Variants in IPP observed in about 807,000 individuals in gnomAD.
The protein encoded by IPP is actin-binding protein IPP.
In IPP, 41 loss-of-function variants were observed where a neutral mutation model predicts 64.1. The observed-to-expected ratio is 0.64, with a 90% CI of 0.50 to 0.83. IPP has a LOEUF of 0.83. Among genes scored for constraint, IPP ranks in the 40% least tolerant of loss-of-function variants. IPP has a pLI of 0.00. For missense variants in IPP, 649 were observed against 703.0 expected, an observed-to-expected ratio of 0.92 and a Z score of 0.87; for synonymous variants, 214 against 235.2, an observed-to-expected ratio of 0.91 and a Z score of 0.83.
chr1:45,740,597 A>T (rs1017608428), intron 3 of IPP, among the ~76,000 whole-genome samples: 1 of 152,246 alleles, frequency 6.6e-6, no homozygotes, highest in Non-Finnish European at 1.5e-5. Context: ...TTCTGTCAAC[A>T]GCAGTGGTAT....
intron 8 of IPP, among the ~76,000 whole-genome samples, chr1:45,709,583 G>A (rs953549296): frequency 6.6e-6 from 1 of 150,778 alleles, no homozygotes; most frequent in Non-Finnish European, 1.5e-5. Context: ...GGTGGTTCAC[G>A]CCTGTAATCC....
chr1:45,728,481 G>A (rs1645863117), intron 4 of IPP, among the ~76,000 whole-genome samples: 1 of 151,652 alleles, frequency 6.6e-6, no homozygotes, highest in South Asian at 2.1e-4. Context: ...TTTAAATGCT[G>A]ATAAAGTTTA....
chr1:45,706,633 T>C (rs1214806341), intron 8 of IPP, among the ~76,000 whole-genome samples: 1 of 152,068 alleles, frequency 6.6e-6, no homozygotes, highest in Non-Finnish European at 1.5e-5. Context: ...ATTTTATTAG[T>C]AGAGACAGGG....
intron 2 of IPP, among the ~76,000 whole-genome samples, chr1:45,742,972 A>G (rs1214227957): frequency 6.6e-6 from 1 of 150,738 alleles, no homozygotes; most frequent in African/African-American, 2.4e-5. Context: ...GAGTCTCACT[A>G]TGTCACCCAG....
chr1:45,737,311 T>A (rs1489554796), intron 3 of IPP, among the ~76,000 whole-genome samples: 5 of 152,148 alleles, frequency 3.3e-5, no homozygotes, highest in Admixed American at 6.5e-5. Context: ...GTATTCCTTA[T>A]TTGTGAATAT....
In IPP at chr1:45,698,969, G is replaced by A. The variant is rs1224071275; in HGVS notation, c.*997C>T. On this transcript the variant is annotated 3_prime_UTR_variant, in exon 9 of 9. Coordinates refer to ENST00000396478, the MANE Select transcript of IPP (RefSeq NM_005897.3). ...ACTCCTGAGTTCAAGCCATCTTCCC[G>A]TCTCACCTCGGCCTCTCAAAGTGCT... 4.3e-5 allele frequency: 36 copies of A among 839,202 alleles called. No individual in the cohort carries two copies. Among genetic ancestry groups the A allele is most frequent in the South Asian group, 3.3e-4 (6 of 18,360 alleles). 52.0% of individuals were successfully genotyped at this position (839,202 alleles called of 1,614,324 possible).
At chr1:45,700,212 A>T (rs766199580) in intron 8 of IPP, 22 bp from the exon 9 acceptor site, 6 of 1,594,490 alleles carry the variant, frequency 3.8e-6, no homozygotes, top group Non-Finnish European at 4.3e-6. Context: ...AGAAAAAAAA[A>T]ATATGTTAGC....
chr1:45,727,222 A>G (rs1273701773), intron 5 of IPP, among the ~76,000 whole-genome samples: 1 of 151,418 alleles, frequency 6.6e-6, no homozygotes, highest in Admixed American at 6.6e-5. Context: ...GCTCATTTTA[A>G]AATTTTTTGT....
intron 5 of IPP, among the ~76,000 whole-genome samples, chr1:45,720,267 T>G (rs936189569): frequency 6.6e-6 from 1 of 152,098 alleles, no homozygotes; most frequent in Non-Finnish European, 1.5e-5. Flanking sequence ...ATAAGATATT[T>G]AGGAGTAAAT....
chr1:45,727,474 T>TTCCC (rs200134370), intron 5 of IPP, among the ~76,000 whole-genome samples, 157 bp downstream of exon 5: 44,265 of 143,480 alleles, frequency 0.31, 6,650 homozygotes, highest in African/African-American at 0.39. Flanking sequence ...TTTCTCTTCC[T>TTCCC]TCCCTCCCTC....
intron 3 of IPP, among the ~76,000 whole-genome samples, chr1:45,735,546 C>T (rs1364345504): frequency 3.1e-5 from 4 of 129,976 alleles, no homozygotes; most frequent in African/African-American, 1.2e-4. Context: ...GATCACAGCT[C>T]ACTGCAGCCT....
At chr1:45,714,556 C>A in intron 7 of IPP, 90 bp from the exon 8 acceptor site, 2 of 779,928 alleles carry the variant, frequency 2.6e-6, no homozygotes, top group Non-Finnish European at 4.4e-6. Flanking sequence ...GTTTCCAATG[C>A]CGATGCTATG....
downstream of IPP, chr1:45,694,727 C>A (rs1645372102): frequency 1.7e-5 from 8 of 459,910 alleles, no homozygotes; most frequent in South Asian, 2.6e-4. Flanking sequence ...TGGCATGGTA[C>A]AGATAACAAC....
intron 1 of IPP, among the ~76,000 whole-genome samples, chr1:45,748,873 G>A (rs1646177169): frequency 6.6e-6 from 1 of 151,606 alleles, no homozygotes; most frequent in Non-Finnish European, 1.5e-5. Context: ...GTGGGCGGCT[G>A]AGGCAGGAGA....
intron 5 of IPP, among the ~76,000 whole-genome samples, chr1:45,721,252 C>G (rs1332629443): frequency 6.6e-6 from 1 of 152,162 alleles, no homozygotes; most frequent in Non-Finnish European, 1.5e-5. Flanking sequence ...TCCACTGATA[C>G]AAAATTTTCC....
At chr1:45,724,435 C>A (rs1440138462) in intron 5 of IPP, among the ~76,000 whole-genome samples, 32 of 151,652 alleles carry the variant, frequency 2.1e-4, no homozygotes, top group Admixed American at 9.2e-4. Flanking sequence ...TCTGCCTGGC[C>A]GCCCATCGTC....
At position 45,740,885 on chromosome 1, in the gene IPP, A is replaced by C; in HGVS notation, c.724+16T>G. On this transcript the variant is annotated intron_variant, in intron 3 of 8. Transcript: ENST00000396478. ...GATAATTAATCAACTAATTCGATAT[A>C]TAGCAAAAAAGTTACCTTCTATATA... is the stretch of plus-strand genomic sequence containing the variant. 6.8e-7 allele frequency: 1 copy of C among 1,481,240 alleles called. No individual in the cohort carries two copies. The highest frequency in any genetic ancestry group is 9.1e-7 in the Non-Finnish European group (1 of 1,094,680). The allele number at this position is 1,481,240 out of a possible 1,614,324, so 91.8% of individuals were successfully genotyped here. A position where few individuals can be genotyped will look rare whatever the true frequency, so the allele number is the denominator to read the frequency against.
intron 3 of IPP, among the ~76,000 whole-genome samples, chr1:45,738,850 A>AAACAAAAAAAAT (rs768638228): frequency 7.2e-6 from 1 of 139,130 alleles, no homozygotes; most frequent in Non-Finnish European, 1.5e-5. Context: ...AAAAAAAAAA[A>AAACAAAAAAAAT]AAAAAAAAAA....
At chr1:45,732,032 C>A (rs991842489) in intron 3 of IPP, among the ~76,000 whole-genome samples, 1 of 151,912 alleles carries the variant, frequency 6.6e-6, no homozygotes. Flanking sequence ...AGACAGACTC[C>A]TCGTAAGTGC....
Sources: allele counts gnomAD v4.1 joint callset (sites outside exome capture counted in the v4.1 genomes callset), GRCh38; gene constraint gnomAD v4.1.1; transcripts MANE v1.5; gene names NCBI Gene and HGNC (gene_info 2026-07-23, HGNC 2026-07-21).